The following PCOLCE2 variants were observed in gnomAD, a reference collection of about 807,000 sequenced individuals.
The protein encoded by PCOLCE2 is procollagen C-endopeptidase enhancer 2.
Under a neutral mutation model 47.0 loss-of-function variants are expected in PCOLCE2, and 42 were observed. The observed-to-expected ratio is 0.89, with a 90% CI of 0.70 to 1.16. PCOLCE2 has a LOEUF of 1.16. Among genes scored for constraint, PCOLCE2 ranks in the 50% most tolerant of loss-of-function variants. The pLI is 0.00. For missense variants in PCOLCE2, 500 were observed against 526.1 expected (o/e 0.95, Z 0.49); for synonymous variants, 169 against 191.7 (o/e 0.88, Z 0.98).
intron 2 of PCOLCE2, among the ~76,000 whole-genome samples, chr3:142,852,369 T>G (rs1480816317): frequency 1.3e-5 from 2 of 152,118 alleles, no homozygotes; most frequent in Non-Finnish European, 2.9e-5. Context: ...ATCTAGTCTG[T>G]ATCCTTGAAT....
intron 3 of PCOLCE2, among the ~76,000 whole-genome samples, chr3:142,847,533 G>A (rs560577320): frequency 1.4e-3 from 207 of 152,118 alleles, no homozygotes; most frequent in African/African-American, 4.7e-3. Flanking sequence ...CTGTGTGTGT[G>A]TATATATATA....
At position 142,848,448 on chromosome 3, in the gene PCOLCE2, G is replaced by A; in HGVS notation, c.217C>T (p.Leu73Phe). The A allele has an allele frequency of 6.3e-7, 1 of 1,599,412 alleles. No homozygotes were observed. The highest frequency in any genetic ancestry group is 8.6e-7 in the Non-Finnish European group (1 of 1,168,362). The change falls in exon 3 of 9, where the codon CTC becomes TTC. Residue 73 changes from leucine to phenylalanine, a missense_variant. Coordinates refer to ENST00000295992, the MANE Select transcript of PCOLCE2 (RefSeq NM_013363.4). ...TCGAGGTCTATGAATCGGAAATTGA[G>A]AACGACTACTTTTCCTTCGGGAACC... is the stretch of plus-strand genomic sequence containing the variant. Reference protein sequence around the residue: ...ITVPEGKVVVLNFRFIDLESD... With the variant: ...ITVPEGKVVVFNFRFIDLESD...
intron 6 of PCOLCE2, among the ~76,000 whole-genome samples, chr3:142,829,084 A>AG (rs1473062666): frequency 5.3e-5 from 8 of 152,072 alleles, no homozygotes; most frequent in African/African-American, 1.7e-4. Context: ...CTGAAATCCC[A>AG]GGGGGTGGAG....
intron 4 of PCOLCE2, among the ~76,000 whole-genome samples, chr3:142,839,138 T>A (rs1255688583): frequency 6.6e-6 from 1 of 152,142 alleles, no homozygotes; most frequent in Non-Finnish European, 1.5e-5. Context: ...TCAGATCAAC[T>A]CTAGTTAGGA....
chr3:142,831,734 G>C (rs1044925232), intron 5 of PCOLCE2, among the ~76,000 whole-genome samples: 1 of 152,132 alleles, frequency 6.6e-6, no homozygotes, highest in Non-Finnish European at 1.5e-5. Flanking sequence ...AAGCAGCAAA[G>C]GAAAGGAAAG....
At chr3:142,862,878 TTAATATAAA>T (rs1479623162) in intron 2 of PCOLCE2, among the ~76,000 whole-genome samples, 2 of 152,032 alleles carry the variant, frequency 1.3e-5, no homozygotes, top group Non-Finnish European at 2.9e-5. Flanking sequence ...CAAATTTTCA[TTAATATAAA>T]TAATGCTATT....
At chr3:142,832,247 G>C (rs1445677931) in intron 5 of PCOLCE2, among the ~76,000 whole-genome samples, 2 of 152,006 alleles carry the variant, frequency 1.3e-5, no homozygotes, top group East Asian at 1.9e-4. Flanking sequence ...CTGGACCATT[G>C]CAACAGTCTC....
chr3:142,856,966 A>G (rs1578042506), intron 2 of PCOLCE2, among the ~76,000 whole-genome samples: 2 of 152,060 alleles, frequency 1.3e-5, no homozygotes, highest in East Asian at 3.9e-4. Context: ...TTACCAAATA[A>G]TAAGATAAAG....
intron 8 of PCOLCE2, among the ~76,000 whole-genome samples, chr3:142,819,639 C>T (rs1047319551): frequency 6.6e-6 from 1 of 152,078 alleles, no homozygotes; most frequent in African/African-American, 2.4e-5. Context: ...GTAAAGCTTG[C>T]TTTATTTTTA....
chr3:142,828,694 G>C (rs1675646080), intron 6 of PCOLCE2, among the ~76,000 whole-genome samples: 1 of 152,204 alleles, frequency 6.6e-6, no homozygotes, highest in African/African-American at 2.4e-5. Flanking sequence ...ATTGTGTCCA[G>C]GAAAGAATTA....
intron 8 of PCOLCE2, among the ~76,000 whole-genome samples, chr3:142,820,296 A>T (rs374368000): frequency 3.3e-5 from 5 of 152,156 alleles, no homozygotes; most frequent in African/African-American, 1.2e-4. Context: ...ACTTTTAAAC[A>T]TACTCTTACC....
At chr3:142,860,786 T>G (rs1258877221) in intron 2 of PCOLCE2, among the ~76,000 whole-genome samples, 4 of 152,180 alleles carry the variant, frequency 2.6e-5, no homozygotes, top group Non-Finnish European at 5.9e-5. Context: ...CAGGCACCAG[T>G]ATTCTATCAA....
chr3:142,844,236 TC>T (rs1234404544), intron 3 of PCOLCE2, among the ~76,000 whole-genome samples: 1 of 152,166 alleles, frequency 6.6e-6, no homozygotes, highest in Non-Finnish European at 1.5e-5. Context: ...TCCTGCCAGT[TC>T]TCTACACTAC....
intron 2 of PCOLCE2, among the ~76,000 whole-genome samples, chr3:142,867,884 G>T (rs1171241287): frequency 6.6e-6 from 1 of 152,188 alleles, no homozygotes; most frequent in Non-Finnish European, 1.5e-5. Context: ...GCTTTCCAAA[G>T]GAGCTAGGGC....
chr3:142,871,533 T>C (rs1328849783), intron 2 of PCOLCE2, among the ~76,000 whole-genome samples: 1 of 152,240 alleles, frequency 6.6e-6, no homozygotes, highest in Non-Finnish European at 1.5e-5. Context: ...TTTGTAGATG[T>C]GGTTAACATG....
chr3:142,821,367 G>T (rs1463900141), intron 7 of PCOLCE2, among the ~76,000 whole-genome samples: 1 of 152,092 alleles, frequency 6.6e-6, no homozygotes, highest in East Asian at 1.9e-4. Context: ...GGATAGTCTG[G>T]CTTATGAGGC....
intron 2 of PCOLCE2, among the ~76,000 whole-genome samples, chr3:142,867,263 T>A (rs1434898926): frequency 6.6e-6 from 1 of 152,168 alleles, no homozygotes; most frequent in African/African-American, 2.4e-5. Flanking sequence ...CACGAGTGTG[T>A]CCATGTTGCT....
intron 2 of PCOLCE2, among the ~76,000 whole-genome samples, chr3:142,867,641 G>A (rs1000079428): frequency 4.1e-4 from 62 of 151,522 alleles, no homozygotes; most frequent in African/African-American, 1.3e-3. Context: ...TCAGGGAAAT[G>A]ACAACTAAAA....
intron 2 of PCOLCE2, among the ~76,000 whole-genome samples, chr3:142,858,485 C>T (rs983432711): frequency 6.6e-6 from 1 of 152,222 alleles, no homozygotes; most frequent in African/African-American, 2.4e-5. Context: ...GGCACAGCAA[C>T]ATACACACAC....
Sources: allele counts gnomAD v4.1 joint callset (sites outside exome capture counted in the v4.1 genomes callset), GRCh38; gene constraint gnomAD v4.1.1; transcripts MANE v1.5; gene names NCBI Gene and HGNC (gene_info 2026-07-23, HGNC 2026-07-21).